ZNF451: variants seen among roughly 807,000 people sequenced by gnomAD.
The protein encoded by ZNF451 is E3 SUMO-protein ligase ZNF451.
A neutral mutation model predicts 107.1 loss-of-function variants in ZNF451; 80 were observed. That is an observed-to-expected ratio of 0.75 (90% CI 0.62 to 0.90). The LOEUF (loss-of-function observed/expected upper bound fraction) is 0.90, where lower values mean the gene tolerates loss of function less well. Among genes scored for constraint, ZNF451 ranks in the 40% least tolerant of loss-of-function variants. ZNF451 has a pLI of 0.00. For missense variants in ZNF451, 1,107 were observed against 1,236.2 expected, an observed-to-expected ratio of 0.90 and a Z score of 1.57; for synonymous variants, 362 against 406.5, an observed-to-expected ratio of 0.89 and a Z score of 1.32.
chr6:57,146,629 C>CG (rs1832077833), intron 9 of ZNF451, among the ~76,000 whole-genome samples: 1 of 152,096 alleles, frequency 6.6e-6, no homozygotes, highest in South Asian at 2.1e-4. Flanking sequence ...ATCTGTGTGT[C>CG]TGTTTTTATA....
At chr6:57,095,986 G>A (rs1829284815) in intron 2 of ZNF451, among the ~76,000 whole-genome samples, 1 of 151,758 alleles carries the variant, frequency 6.6e-6, no homozygotes, top group Admixed American at 6.6e-5. Flanking sequence ...ACCACGCCCA[G>A]CTAATTTTTG....
At chr6:57,092,053 C>T (rs1829074127) in intron 2 of ZNF451, among the ~76,000 whole-genome samples, 1 of 152,110 alleles carries the variant, frequency 6.6e-6, no homozygotes, top group Non-Finnish European at 1.5e-5. Flanking sequence ...CTTCACCATG[C>T]GCTGAAGTAT....
chr6:57,140,359 A>C (rs1378012874), intron 7 of ZNF451, among the ~76,000 whole-genome samples: 1 of 152,196 alleles, frequency 6.6e-6, no homozygotes, highest in Non-Finnish European at 1.5e-5. Context: ...TGAACCCAGA[A>C]GTTCGAGACC....
intron 13 of ZNF451, chr6:57,158,888 G>A: frequency 3.0e-6 from 3 of 985,442 alleles, no homozygotes; most frequent in Non-Finnish European, 2.4e-6. Flanking sequence ...GCATCTATGA[G>A]TCATACCAAT....
chr6:57,166,219 G>T (rs1763890789), intron 14 of ZNF451, among the ~76,000 whole-genome samples: 2 of 152,078 alleles, frequency 1.3e-5, no homozygotes, highest in African/African-American at 4.8e-5. Flanking sequence ...GTAGAGATGG[G>T]GTTTCTCCAT....
Position 57,095,136 on chromosome 6 carries a change from A to G in ZNF451, c.106-3925A>G, listed in dbSNP as rs904290935. Among the ~76,000 whole-genome samples the G allele has an allele frequency of 5.9e-5, 9 of 152,168 alleles. No individual in the cohort carries two copies. The South Asian group carries it at 8.3e-4, about 14-fold the overall frequency. On this transcript the variant is annotated intron_variant, in intron 2 of 14. Transcript: ENST00000370706. Reference sequence around the variant, plus strand: ...TAGCTAGTGTACACTATTTGTGTATAAGTAATCTTTTCCTTTGGGGTACAT... The same window carrying G: ...TAGCTAGTGTACACTATTTGTGTATGAGTAATCTTTTCCTTTGGGGTACAT...
In ZNF451 at chr6:57,105,950, T is replaced by A. The variant is rs144616717; in HGVS notation, c.186+6809T>A. 61 of 985,136 alleles carry A rather than the reference T, an allele frequency of 6.2e-5. 1 individual carries two copies. In the African/African-American group the frequency reaches 9.8e-4, roughly 16 times the overall value. The allele number at this position is 985,136 out of a possible 1,614,324, so 61.0% of individuals were successfully genotyped here. ...AATCAGTATAATTCCATTTATTTAC[T>A]TAGCCCTCAAAATGACATTTTGAAG... On this transcript the variant is annotated intron_variant, in intron 3 of 14. Coordinates refer to ENST00000370706, the MANE Select transcript of ZNF451 (RefSeq NM_001031623.3).
At chr6:57,159,624 T>C (rs1763582828) in intron 13 of ZNF451, 2 of 156,340 alleles carry the variant, frequency 1.3e-5, no homozygotes, top group African/African-American at 2.4e-5. Context: ...TCTTCCAATG[T>C]GGCCCAGGCG....
chr6:57,104,177 AAACTC>A (rs1319335621), intron 3 of ZNF451: 2 of 985,282 alleles, frequency 2.0e-6, no homozygotes, highest in African/African-American at 1.7e-5. Flanking sequence ...CTTTCAAACT[AAACTC>A]TAGAAGAATA....
intron 7 of ZNF451, among the ~76,000 whole-genome samples, chr6:57,135,914 T>TGAAAGCA (rs2127968997): frequency 6.6e-6 from 1 of 152,320 alleles, no homozygotes; most frequent in African/African-American, 2.4e-5. Context: ...AATTTGCTTC[T>TGAAAGCA]ATCTAGAGCT....
rs1380924687 is a variant in ZNF451 at position 57,124,869 on chromosome 6, A to G, written c.312+10A>G. ...GAATAGAGCATTCAGAGTATGTGCTATTTTAATTGGTATTTTATATAATTA... is the reference window on the plus strand; with the variant it reads ...GAATAGAGCATTCAGAGTATGTGCTGTTTTAATTGGTATTTTATATAATTA... On this transcript the variant is annotated intron_variant, in intron 4 of 14. Coordinates refer to ENST00000370706, the MANE Select transcript of ZNF451 (RefSeq NM_001031623.3). 6.7e-7 allele frequency: 1 copy of G among 1,493,392 alleles called. No individual in the cohort carries two copies. The highest frequency in any genetic ancestry group is 8.9e-7 in the Non-Finnish European group (1 of 1,120,104). 92.5% of individuals were successfully genotyped at this position (1,493,392 alleles called of 1,614,324 possible).
At chr6:57,124,289 C>G (rs1830802703) in intron 3 of ZNF451, 1 of 621,706 alleles carries the variant, frequency 1.6e-6, no homozygotes. Context: ...GGCTGGCTCC[C>G]CCTGGAGTTT....
chr6:57,160,336 C>T (rs891475987), intron 13 of ZNF451, among the ~76,000 whole-genome samples: 39 of 151,318 alleles, frequency 2.6e-4, no homozygotes, highest in African/African-American at 8.3e-4. Flanking sequence ...CGTCTCGTCT[C>T]GTCTCATTTC....
At chr6:57,141,804 A>T (rs1831777009) in intron 8 of ZNF451, 144 bp from the exon 9 acceptor site, 1 of 695,568 alleles carries the variant, frequency 1.4e-6, no homozygotes, top group South Asian at 2.3e-5. Flanking sequence ...AAGGCTAGAA[A>T]GTGGCTTCCC....
At chr6:57,146,238 T>C (rs1045717952) in intron 9 of ZNF451, among the ~76,000 whole-genome samples, 5 of 152,218 alleles carry the variant, frequency 3.3e-5, no homozygotes, top group African/African-American at 1.2e-4. Context: ...AGTTGTCTGT[T>C]TATTCTCTTG....
Position 57,096,176 on chromosome 6 carries a change from G to GTTTTTTTTT in ZNF451, c.106-2868_106-2860dup, listed in dbSNP as rs749589304. Among the ~76,000 whole-genome samples, 41 of 58,452 alleles carry GTTTTTTTTT rather than the reference G, an allele frequency of 7.0e-4. 1 individual carries two copies. The highest frequency in any genetic ancestry group is 8.6e-4 in the African/African-American group (12 of 14,002). 38.3% of individuals were successfully genotyped at this position (58,452 alleles called of 152,430 possible). On this transcript the variant is annotated intron_variant, in intron 2 of 14. Coordinates refer to ENST00000370706, the MANE Select transcript of ZNF451 (RefSeq NM_001031623.3). ...TTTCTTTCTTCCTTTCTTTCTTTCT[G>GTTTTTTTTT]TTTTTTTTTTTTTTTTTTTTTTTTT...
chr6:57,162,095 G>T (rs920986864), intron 14 of ZNF451, among the ~76,000 whole-genome samples: 1 of 152,170 alleles, frequency 6.6e-6, no homozygotes, highest in African/African-American at 2.4e-5. Flanking sequence ...CACTGGAGAA[G>T]TTGAAAGTGT....
intron 13 of ZNF451, chr6:57,158,532 G>GTTGGCAC (rs1207622890): frequency 4.1e-6 from 4 of 985,268 alleles, no homozygotes; most frequent in Non-Finnish European, 4.8e-6. Context: ...TCCTCGAGAT[G>GTTGGCAC]TTGGCACTAG....
chr6:57,155,029 C>G (rs2127984248), intron 13 of ZNF451, among the ~76,000 whole-genome samples: 1 of 152,218 alleles, frequency 6.6e-6, no homozygotes, highest in South Asian at 2.1e-4. Context: ...GCTCTTTATA[C>G]TCTTTAAAGT....
Sources: gnomAD v4.1 joint callset for allele counts (sites outside exome capture counted in the v4.1 genomes callset) on GRCh38, gnomAD v4.1.1 for gene constraint, MANE v1.5 for transcripts, NCBI Gene and HGNC (gene_info 2026-07-23, HGNC 2026-07-21) for gene names.